The following RGMB variants were observed in gnomAD, a reference collection of about 807,000 sequenced individuals.
The protein encoded by RGMB is repulsive guidance molecule BMP co-receptor b.
Under a neutral mutation model 26.9 loss-of-function variants are expected in RGMB, and 16 were observed. That is an observed-to-expected ratio of 0.60 (90% CI 0.40 to 0.90). RGMB has a LOEUF of 0.90. Among genes scored for constraint, RGMB ranks in the 40% least tolerant of loss-of-function variants. The probability of loss-of-function intolerance (pLI) is 0.00; values close to 1 mark genes in which losing one functional copy is unlikely to be tolerated. For synonymous variants in RGMB, 225 were observed against 229.3 expected (o/e 0.98, Z 0.17); for missense variants, 512 against 573.3 (o/e 0.89, Z 1.09).
chr5:98,793,707 C>T lies in RGMB; in HGVS notation c.1268C>T (p.Ser423Phe). The change falls in exon 3 of 3, where the codon TCT becomes TTT. Residue 423 changes from serine to phenylalanine, a missense_variant. Physicochemically the swap from Ser to Phe is radical, Grantham distance 155 (BLOSUM62 -2). Transcript: ENST00000513185. The part of the protein sequence containing the change: ...NGTPRGGSDL[S>F]VSLGLTCLIL... ...ACTCCCCGTGGAGGCAGTGATTTGT[C>T]TGTCAGTCTAGGACTCACCTGCTTG... The T allele has an allele frequency of 4.4e-6, 7 of 1,607,762 alleles. No homozygotes were observed. Among genetic ancestry groups the T allele is most frequent in the Non-Finnish European group, 5.9e-6 (7 of 1,176,946 alleles).
chr5:98,781,240 G>C (rs545837841), intron 2 of RGMB: 1 of 152,158 alleles, frequency 6.6e-6, no homozygotes, highest in African/African-American at 2.4e-5. Flanking sequence ...ACACCCTGGG[G>C]TGTCACAAAT....
chr5:98,770,767 C>A, upstream of RGMB: 1 of 731,566 alleles, frequency 1.4e-6, no homozygotes, highest in Non-Finnish European at 2.0e-6. Flanking sequence ...CCTTACTGTT[C>A]TAACGCTTTT....
upstream of RGMB, chr5:98,770,714 C>A: frequency 7.7e-7 from 1 of 1,304,596 alleles, no homozygotes; most frequent in Non-Finnish European, 1.0e-6. Context: ...CCCGCTTGGC[C>A]CTCTTCCAAG....
upstream of RGMB, chr5:98,770,147 G>C (rs1346351042): frequency 2.0e-5 from 3 of 153,624 alleles, no homozygotes; most frequent in Admixed American, 2.0e-4. Flanking sequence ...ATCCTGGGTT[G>C]GCTGGAGTTT....
chr5:98,789,010 A>G, intron 2 of RGMB, among the ~76,000 whole-genome samples: 1 of 152,188 alleles, frequency 6.6e-6, no homozygotes, highest in Admixed American at 6.5e-5. Context: ...CTATTTTTCA[A>G]CCTATCATTG....
At chr5:98,788,275 T>G (rs1038019624) in intron 2 of RGMB, among the ~76,000 whole-genome samples, 3 of 152,248 alleles carry the variant, frequency 2.0e-5, no homozygotes, top group Non-Finnish European at 4.4e-5. Flanking sequence ...AATAAAATTG[T>G]TTAACAAAAT....
chr5:98,772,969 G>C (rs879552618), upstream of RGMB: 2 of 152,182 alleles, frequency 1.3e-5, no homozygotes, highest in Non-Finnish European at 2.9e-5. Context: ...TAGAACACCT[G>C]AGCCTCGCAC....
intron 1 of RGMB, among the ~76,000 whole-genome samples, chr5:98,775,844 G>A (rs1746382590): frequency 6.6e-6 from 1 of 152,224 alleles, no homozygotes; most frequent in Admixed American, 6.5e-5. Flanking sequence ...TGGACAACTT[G>A]TTGGAGTGAA....
chr5:98,781,826 T>TG (rs1746617551), intron 2 of RGMB, among the ~76,000 whole-genome samples: 1 of 152,238 alleles, frequency 6.6e-6, no homozygotes, highest in East Asian at 1.9e-4. Context: ...TGAAAATATG[T>TG]GGGGGATAAC....
intron 2 of RGMB, among the ~76,000 whole-genome samples, chr5:98,784,230 A>G (rs900604869): frequency 2.6e-5 from 4 of 152,154 alleles, no homozygotes; most frequent in East Asian, 3.9e-4. Flanking sequence ...TGGCAATCCT[A>G]TGGGCAGCAC....
chr5:98,796,079 T>C lies in RGMB; in HGVS notation c.*2326T>C, dbSNP rs1747111078. On this transcript the variant is annotated 3_prime_UTR_variant, in exon 3 of 3. Transcript: ENST00000513185. ...CACAGATTACTTTCAGAAATAGATGTATTTCTCTACGTAAGGGCCAGGTTT... is the reference window on the plus strand; with the variant it reads ...CACAGATTACTTTCAGAAATAGATGCATTTCTCTACGTAAGGGCCAGGTTT... 1 of 152,216 alleles carries C rather than the reference T, an allele frequency of 6.6e-6. No homozygotes were observed. The highest frequency in any genetic ancestry group is 2.4e-5 in the African/African-American group (1 of 41,444). The allele number at this position is 152,216 out of a possible 1,614,324, so 9.4% of individuals were successfully genotyped here. A position where few individuals can be genotyped will look rare whatever the true frequency, so the allele number is the denominator to read the frequency against.
chr5:98,770,957 A>T, upstream of RGMB: 1 of 360,474 alleles, frequency 2.8e-6, no homozygotes, highest in Non-Finnish European at 4.9e-6. Flanking sequence ...AGCTTAGGTG[A>T]TCTGTTAAGC....
chr5:98,793,242 A>T lies in RGMB; in HGVS notation c.803A>T (p.Tyr268Phe), dbSNP rs1183297362. ...ATCGTGGAAAGGGAGAGTGGCCACT[A>T]TGTGGAGATGCACGCCCGCTATATA... is the stretch of plus-strand genomic sequence containing the variant. ...LRIVERESGH[Y>F]VEMHARYIGT... Residue 268 changes from tyrosine to phenylalanine, a missense_variant, in exon 3 of 3, where the codon TAT (tyrosine) becomes TTT (phenylalanine). Coordinates refer to ENST00000513185, the MANE Select transcript of RGMB (RefSeq NM_001366508.1). 1.7e-5 allele frequency: 27 copies of T among 1,613,876 alleles called. No individual in the cohort carries two copies. Among genetic ancestry groups the T allele is most frequent in the Non-Finnish European group, 1.9e-5 (23 of 1,179,896 alleles).
At chr5:98,770,526 C>G, upstream of RGMB, 1 of 701,044 alleles carries the variant, frequency 1.4e-6, no homozygotes, top group Non-Finnish European at 2.1e-6. Flanking sequence ...GAGCCCCCCG[C>G]AAGCCCCGGG....
At chr5:98,791,582 C>G (rs1406377834) in intron 2 of RGMB, among the ~76,000 whole-genome samples, 6 of 152,156 alleles carry the variant, frequency 3.9e-5, no homozygotes, top group Non-Finnish European at 7.4e-5. Context: ...TCCTCCATCC[C>G]GAGTAATTCA....
Position 98,773,852 on chromosome 5 carries a change from A to ATGCCCCTGCGCCCCGC in RGMB, c.-215_-200dup. Reference sequence around the variant, plus strand: ...CTGCCTGCCGCCTCCGGCCGCCACGATGCCCCTGCGCCCCGCTGCTGCCGC... The same window carrying ATGCCCCTGCGCCCCGC: ...CTGCCTGCCGCCTCCGGCCGCCACGATGCCCCTGCGCCCCGCTGCCCCTGCGCCCCGCTGCTGCCGC... On this transcript the variant is annotated 5_prime_UTR_variant, in exon 1 of 3. It removes the in-frame stop codon of an upstream open reading frame in the 5' UTR. Transcript: ENST00000513185. The ATGCCCCTGCGCCCCGC allele has an allele frequency of 2.1e-6, 1 of 475,834 alleles. No homozygotes were observed. The highest frequency in any genetic ancestry group is 3.6e-6 in the Non-Finnish European group (1 of 274,970). 29.5% of individuals were successfully genotyped at this position (475,834 alleles called of 1,614,324 possible). A position where few individuals can be genotyped will look rare whatever the true frequency, so the allele number is the denominator to read the frequency against.
chr5:98,794,404 T>C lies in RGMB; in HGVS notation c.*651T>C, dbSNP rs892124499. 1 of 152,204 alleles carries C rather than the reference T, an allele frequency of 6.6e-6. No individual in the cohort carries two copies. The highest frequency in any genetic ancestry group is 2.4e-5 in the African/African-American group (1 of 41,446). The allele number at this position is 152,204 out of a possible 1,614,324, so 9.4% of individuals were successfully genotyped here. On this transcript the variant is annotated 3_prime_UTR_variant, in exon 3 of 3. Coordinates refer to ENST00000513185, the MANE Select transcript of RGMB (RefSeq NM_001366508.1). ...GTATTCTGATTACTCTCAATTCTAA[T>C]TGTTATATATTTGAGCCCATACAGT...
chr5:98,789,583 AT>A (rs1746864094), intron 2 of RGMB, among the ~76,000 whole-genome samples: 2 of 152,090 alleles, frequency 1.3e-5, no homozygotes, highest in African/African-American at 4.8e-5. Flanking sequence ...AGAAAGGTTG[AT>A]TTGTAGCTGC....
intron 1 of RGMB, among the ~76,000 whole-genome samples, chr5:98,775,861 A>C (rs1746383156): frequency 6.6e-6 from 1 of 152,216 alleles, no homozygotes; most frequent in African/African-American, 2.4e-5. Context: ...TGAAGCGATT[A>C]ATCCTGTTAA....
Sources: allele counts gnomAD v4.1 joint callset (sites outside exome capture counted in the v4.1 genomes callset), GRCh38; gene constraint gnomAD v4.1.1; transcripts MANE v1.5; gene names NCBI Gene and HGNC (gene_info 2026-07-23, HGNC 2026-07-21).